Variants in PALM2AKAP2 observed in about 807,000 individuals in gnomAD.
PALM2AKAP2 encodes PALM2 and AKAP2 fusion, also known as PALM2-AKAP2 fusion protein.
In PALM2AKAP2, 37 loss-of-function variants were observed where a neutral mutation model predicts 71.5. The ratio of observed to expected loss-of-function variants is 0.52; its 90% CI spans 0.40 to 0.68. The LOEUF (loss-of-function observed/expected upper bound fraction) is 0.68, where lower values mean the gene tolerates loss of function less well. PALM2AKAP2 is among the 30% of genes least tolerant of loss of function. The pLI is 0.00. For missense variants in PALM2AKAP2, 1,224 were observed against 1,191.8 expected, an observed-to-expected ratio of 1.03 and a Z score of -0.40; for synonymous variants, 468 against 478.8, an observed-to-expected ratio of 0.98 and a Z score of 0.29.
chr9:110,136,264 A>T, exon 2 of PALM2AKAP2: 1 of 1,614,198 alleles, frequency 6.2e-7, no homozygotes. Flanking sequence ...CTGTTGCAGA[A>T]TGTAAAAGTG....
intron 1 of PALM2AKAP2, among the ~76,000 whole-genome samples, chr9:110,126,155 C>CCT (rs761958269): frequency 6.6e-6 from 1 of 151,872 alleles, no homozygotes; most frequent in Non-Finnish European, 1.5e-5. Context: ...GGAAGGAGAC[C>CCT]CTCGCCAGCT....
At chr9:110,137,011 T>A in exon 2 of PALM2AKAP2, 1 of 1,613,778 alleles carries the variant, frequency 6.2e-7, no homozygotes, top group Non-Finnish European at 8.5e-7. Flanking sequence ...ACGAGGAACA[T>A]CTGGAGTCGC....
chr9:109,930,256 C>T (rs956293610), intron 5 of PALM2AKAP2, among the ~76,000 whole-genome samples: 1 of 151,278 alleles, frequency 6.6e-6, no homozygotes, highest in African/African-American at 2.4e-5. Flanking sequence ...GACAGAGTCT[C>T]ACTCTGTCAC....
chr9:110,135,094 T>C (rs1197088811), intron 1 of PALM2AKAP2, among the ~76,000 whole-genome samples: 1 of 142,466 alleles, frequency 7.0e-6, no homozygotes, highest in African/African-American at 2.6e-5. Flanking sequence ...GGCGGGCAGA[T>C]TACTTGAGTA....
intron 3 of PALM2AKAP2, among the ~76,000 whole-genome samples, chr9:109,884,555 C>T (rs1343995643): frequency 1.3e-5 from 2 of 152,106 alleles, no homozygotes; most frequent in Non-Finnish European, 2.9e-5. Context: ...TGAGTGACTT[C>T]AAGATCAAAT....
chr9:109,912,807 C>T (rs1830601815), intron 3 of PALM2AKAP2, among the ~76,000 whole-genome samples: 1 of 152,198 alleles, frequency 6.6e-6, no homozygotes, highest in Admixed American at 6.5e-5. Context: ...AATCACATCT[C>T]AGACAGATCT....
At chr9:109,927,500 G>A (rs548428165) in intron 5 of PALM2AKAP2, among the ~76,000 whole-genome samples, 24 of 152,312 alleles carry the variant, frequency 1.6e-4, no homozygotes, top group Middle Eastern at 3.4e-3. Flanking sequence ...TACAGACACT[G>A]CAGATAAGCA....
rs1056084913 is a variant in PALM2AKAP2, at chr9:109,791,601, A to C, written c.45+11068A>C. 3.9e-5 allele frequency among the ~76,000 whole-genome samples: 6 copies of C among 152,222 alleles called. No homozygotes were observed. In the South Asian group the frequency reaches 8.3e-4, roughly 21 times the overall value. Reference sequence around the variant, plus strand: ...TAAGGGGTTGGAGGGAAGGGCTCCCAGTTCCGGAGAGGGTCCATGTGCCAG... The same window carrying C: ...TAAGGGGTTGGAGGGAAGGGCTCCCCGTTCCGGAGAGGGTCCATGTGCCAG... On this transcript the variant is annotated intron_variant, in intron 1 of 9. Coordinates refer to the PALM2AKAP2 transcript ENST00000302798.
chr9:110,013,749 T>G (rs1832924657), intron 6 of PALM2AKAP2, among the ~76,000 whole-genome samples: 1 of 152,204 alleles, frequency 6.6e-6, no homozygotes, highest in Non-Finnish European at 1.5e-5. Context: ...CTTTAAAAAG[T>G]AACCAGTGTT....
At chr9:110,086,092 G>A (rs1054894103) in intron 1 of PALM2AKAP2, among the ~76,000 whole-genome samples, 2 of 144,838 alleles carry the variant, frequency 1.4e-5, no homozygotes, top group African/African-American at 5.2e-5. Context: ...GGCAATAAGA[G>A]TGAGACTCCA....
At chr9:109,779,680 C>T (rs1160858529), upstream of PALM2AKAP2, among the ~76,000 whole-genome samples, 2 of 152,242 alleles carry the variant, frequency 1.3e-5, no homozygotes, top group Non-Finnish European at 2.9e-5. Flanking sequence ...GGTGGCCTCT[C>T]TGGAGATATA....
At chr9:109,722,577 G>A (rs1251920664) in intron 1 of PALM2AKAP2, among the ~76,000 whole-genome samples, 1 of 152,136 alleles carries the variant, frequency 6.6e-6, no homozygotes, top group Non-Finnish European at 1.5e-5. Flanking sequence ...CTCAATACTA[G>A]CCTGGGCAAC....
At chr9:109,952,645 G>A (rs1831665873) in intron 6 of PALM2AKAP2, among the ~76,000 whole-genome samples, 2 of 152,200 alleles carry the variant, frequency 1.3e-5, no homozygotes, top group South Asian at 2.1e-4. Flanking sequence ...ATGTACCTAA[G>A]CATTTAGTGC....
chr9:109,731,400 T>A (rs981561775), intron 1 of PALM2AKAP2, among the ~76,000 whole-genome samples: 3 of 152,206 alleles, frequency 2.0e-5, no homozygotes, highest in Non-Finnish European at 4.4e-5. Flanking sequence ...CTTCCTACTC[T>A]TCTGAAAATG....
chr9:109,764,755 A>G (rs1587899121), intron 1 of PALM2AKAP2, among the ~76,000 whole-genome samples: 1 of 152,062 alleles, frequency 6.6e-6, no homozygotes, highest in East Asian at 1.9e-4. Flanking sequence ...GATGGATGGG[A>G]TGGGATGGAT....
chr9:110,132,524 T>A (rs1318943874), intron 1 of PALM2AKAP2, among the ~76,000 whole-genome samples: 1 of 151,986 alleles, frequency 6.6e-6, no homozygotes, highest in African/African-American at 2.4e-5. Context: ...GAGACAGGGT[T>A]TCACCATGTT....
At chr9:109,811,150 G>A (rs776223603) in intron 1 of PALM2AKAP2, among the ~76,000 whole-genome samples, 1 of 152,172 alleles carries the variant, frequency 6.6e-6, no homozygotes, top group Non-Finnish European at 1.5e-5. Context: ...TTAAATAAGA[G>A]CAGACAGTAG....
chr9:110,102,609 C>T (rs907681875), intron 1 of PALM2AKAP2, among the ~76,000 whole-genome samples: 5 of 152,128 alleles, frequency 3.3e-5, no homozygotes, highest in Non-Finnish European at 7.4e-5. Flanking sequence ...TCCTCCCCTC[C>T]CCTCCCCTCC....
chr9:110,006,164 G>A (rs1832777021), intron 6 of PALM2AKAP2, among the ~76,000 whole-genome samples: 1 of 151,868 alleles, frequency 6.6e-6, no homozygotes, highest in Non-Finnish European at 1.5e-5. Context: ...GGCCATCTTG[G>A]CTCCACCTCT....
Sources: allele counts gnomAD v4.1 joint callset (sites outside exome capture counted in the v4.1 genomes callset), GRCh38; gene constraint gnomAD v4.1.1; transcripts MANE v1.5; gene names NCBI Gene and HGNC (gene_info 2026-07-23, HGNC 2026-07-21).